Variants in RABGAP1 observed in about 807,000 individuals in gnomAD.
The protein encoded by RABGAP1 is rab GTPase-activating protein 1.
Under a neutral mutation model 137.6 loss-of-function variants are expected in RABGAP1, and 23 were observed. The observed-to-expected ratio is 0.17, with a 90% confidence interval of 0.12 to 0.24. The LOEUF is 0.24. Among genes scored for constraint, RABGAP1 ranks in the 10% least tolerant of loss-of-function variants. The pLI is 1.00. For missense variants in RABGAP1, 906 were observed against 1,275.8 expected, an observed-to-expected ratio of 0.71 and a Z score of 4.42; for synonymous variants, 451 against 450.7, an observed-to-expected ratio of 1.00 and a Z score of -0.01.
intron 6 of RABGAP1, 134 bp downstream of exon 6, chr9:122,990,347 G>A (rs551188860): frequency 1.2e-5 from 8 of 682,818 alleles, no homozygotes; most frequent in South Asian, 3.5e-5. Context: ...GATGATAAAG[G>A]CATATAAATA....
intron 15 of RABGAP1, 61 bp from the exon 16 acceptor site, chr9:123,073,491 G>C: frequency 6.4e-7 from 1 of 1,560,812 alleles, no homozygotes; most frequent in African/African-American, 1.4e-5. Flanking sequence ...GAAAACTTCT[G>C]TATGTTTTGT....
intron 13 of RABGAP1, among the ~76,000 whole-genome samples, chr9:123,038,628 T>C (rs993742273): frequency 6.6e-6 from 1 of 152,128 alleles, no homozygotes; most frequent in Non-Finnish European, 1.5e-5. Context: ...TTGGGAAATT[T>C]AAGAATGGGA....
chr9:122,959,652 C>T (rs1033408028), intron 2 of RABGAP1, among the ~76,000 whole-genome samples: 1 of 152,176 alleles, frequency 6.6e-6, no homozygotes, highest in African/African-American at 2.4e-5. Flanking sequence ...CTTTCCTTAC[C>T]CTATCCCAGC....
intron 2 of RABGAP1, among the ~76,000 whole-genome samples, chr9:122,984,032 A>G (rs1212809407): frequency 6.6e-6 from 1 of 152,198 alleles, no homozygotes; most frequent in African/African-American, 2.4e-5. Flanking sequence ...GTGGTAAAAT[A>G]CCTGTGGAAA....
rs550148429 is a variant in RABGAP1 at position 122,955,065 on chromosome 9, A to C, written c.-49-1946A>C. On this transcript the variant is annotated intron_variant, in intron 1 of 25. Transcript: ENST00000373647. ...AACGGGCAAGTGGACTGAGAAGACT[A>C]CTAAGAGAGGGAGATTTTTACATCA... Among the ~76,000 whole-genome samples the C allele has an allele frequency of 5.9e-5, 9 of 152,344 alleles. No homozygotes were observed. In the South Asian group the frequency reaches 1.9e-3, roughly 32 times the overall value.
chr9:123,061,086 T>C (rs957412425), intron 13 of RABGAP1, among the ~76,000 whole-genome samples: 3 of 152,198 alleles, frequency 2.0e-5, no homozygotes, highest in Admixed American at 1.3e-4. Context: ...AGGTTCAGTT[T>C]GCCTCTCACT....
At chr9:122,939,509 T>C (rs939387380), upstream of RABGAP1, 4 of 151,980 alleles carry the variant, frequency 2.6e-5, no homozygotes, top group Admixed American at 1.3e-4. Flanking sequence ...ATGCAATGTT[T>C]TCTTTTTTTG....
chr9:122,947,348 A>G (rs1309672790), intron 1 of RABGAP1, among the ~76,000 whole-genome samples: 1 of 152,196 alleles, frequency 6.6e-6, no homozygotes, highest in African/African-American at 2.4e-5. Flanking sequence ...AGAATAGGGA[A>G]TTAGTGTTAA....
chr9:123,055,684 G>A (rs1358273675), intron 13 of RABGAP1, among the ~76,000 whole-genome samples: 1 of 151,548 alleles, frequency 6.6e-6, no homozygotes, highest in Non-Finnish European at 1.5e-5. Flanking sequence ...TGAGTAGCTG[G>A]GATTACAGGC....
At chr9:123,068,686 T>C (rs879580245) in intron 14 of RABGAP1, among the ~76,000 whole-genome samples, 1 of 6,610 alleles carries the variant, frequency 1.5e-4, no homozygotes, top group Non-Finnish European at 0.016. Context: ...AGCCTTCTTA[T>C]CAGATAAACT....
At chr9:122,988,062 CTATT>C (rs965093214) in intron 4 of RABGAP1, among the ~76,000 whole-genome samples, 1 of 152,128 alleles carries the variant, frequency 6.6e-6, no homozygotes, top group East Asian at 1.9e-4. Flanking sequence ...CTCACAAATT[CTATT>C]TATTAATGAT....
At position 123,019,035 on chromosome 9, in the gene RABGAP1, A is replaced by G. The variant is rs543767761; in HGVS notation, c.1644-1274A>G. Among the ~76,000 whole-genome samples the G allele has an allele frequency of 9.2e-5, 14 of 152,338 alleles. No individual in the cohort carries two copies. In the South Asian group the frequency reaches 2.9e-3, roughly 32 times the overall value. Reference sequence around the variant, plus strand: ...CTGCATCTGTAAAACTAGAGGTACTACCATCTACCTCAGATGGTTGTTCTG... The same window carrying G: ...CTGCATCTGTAAAACTAGAGGTACTGCCATCTACCTCAGATGGTTGTTCTG... On this transcript the variant is annotated intron_variant, in intron 12 of 25. Coordinates refer to ENST00000373647, the MANE Select transcript of RABGAP1 (RefSeq NM_012197.4).
chr9:123,078,867 T>G (rs915139993), intron 19 of RABGAP1, among the ~76,000 whole-genome samples: 1 of 152,210 alleles, frequency 6.6e-6, no homozygotes, highest in Non-Finnish European at 1.5e-5. Flanking sequence ...TCCTTTCCTG[T>G]TTCCACAGTG....
rs185450549 is a variant in RABGAP1 at position 122,982,106 on chromosome 9, G to T, written c.151-2379G>T. Among the ~76,000 whole-genome samples, 7 of 152,136 alleles carry T rather than the reference G, an allele frequency of 4.6e-5. No homozygotes were observed. The East Asian group carries it at 1.4e-3, about 29-fold the overall frequency. On this transcript the variant is annotated intron_variant, in intron 2 of 25. Transcript: ENST00000373647. ...TGTCACAGGTAGTAATTTGGAATTG[G>T]ATTGAAGGTTCACAAATGATCTAAC...
chr9:122,990,782 AAAAAAAAAAAAAAAATAT>A (rs1836638870), intron 6 of RABGAP1: 1 of 72,700 alleles, frequency 1.4e-5, no homozygotes, highest in Non-Finnish European at 2.5e-5. Context: ...AAAAAAAAAA[AAAAAAAAAAAAAAAATAT>A]ATATATATAT....
At chr9:122,984,991 C>A (rs200114037) in intron 3 of RABGAP1, among the ~76,000 whole-genome samples, 1 of 10,962 alleles carries the variant, frequency 9.1e-5, no homozygotes. Flanking sequence ...TTTTTTTTTT[C>A]CCCCCAGGAA....
At chr9:122,947,532 T>G (rs1012656884) in intron 1 of RABGAP1, among the ~76,000 whole-genome samples, 5 of 152,264 alleles carry the variant, frequency 3.3e-5, no homozygotes, top group African/African-American at 1.2e-4. Flanking sequence ...AAAAGATGTT[T>G]TAAAGTTTTA....
At chr9:122,965,494 C>T (rs901171788) in intron 2 of RABGAP1, among the ~76,000 whole-genome samples, 2 of 152,194 alleles carry the variant, frequency 1.3e-5, no homozygotes, top group African/African-American at 4.8e-5. Flanking sequence ...AGAGTTTCTC[C>T]TGCCTCAGCC....
intron 2 of RABGAP1, among the ~76,000 whole-genome samples, chr9:122,974,361 G>C (rs900607524): frequency 4.8e-5 from 7 of 146,002 alleles, no homozygotes; most frequent in African/African-American, 1.8e-4. Context: ...ACTGTAGGTA[G>C]AAGAATTGAT....
Sources: allele counts gnomAD v4.1 joint callset (sites outside exome capture counted in the v4.1 genomes callset), GRCh38; gene constraint gnomAD v4.1.1; transcripts MANE v1.5; gene names NCBI Gene and HGNC (gene_info 2026-07-23, HGNC 2026-07-21).